The following SNTG2 variants were observed in gnomAD, a reference collection of about 807,000 sequenced individuals.
The protein encoded by SNTG2 is gamma-2-syntrophin.
SNTG2 carries 74 observed loss-of-function variants against 70.9 expected under a neutral mutation model. That is an observed-to-expected ratio of 1.04 (90% CI 0.86 to 1.27). The LOEUF is 1.27. Among genes scored for constraint, SNTG2 ranks in the 50% most tolerant of loss-of-function variants. SNTG2 has a pLI of 0.00. For missense variants in SNTG2, 717 were observed against 690.7 expected (o/e 1.04, Z -0.43); for synonymous variants, 278 against 273.8 (o/e 1.02, Z -0.15).
intron 16 of SNTG2, among the ~76,000 whole-genome samples, chr2:1,336,982 TTCAG>T (rs1659848606): frequency 6.6e-6 from 1 of 152,198 alleles, no homozygotes; most frequent in Admixed American, 6.5e-5. Context: ...TTTTTTCTGT[TTCAG>T]TCAAACATGT....
At chr2:989,387 T>C (rs188156181) in intron 1 of SNTG2, among the ~76,000 whole-genome samples, 88 of 152,090 alleles carry the variant, frequency 5.8e-4, no homozygotes, top group African/African-American at 2.0e-3. Flanking sequence ...CCTGTTTCCA[T>C]TCCTAGTTTG....
chr2:1,036,819 C>T (rs1468722553), intron 1 of SNTG2, among the ~76,000 whole-genome samples: 1 of 152,190 alleles, frequency 6.6e-6, no homozygotes, highest in African/African-American at 2.4e-5. Context: ...CAAGACCTTG[C>T]CCAGCGTTTG....
intron 12 of SNTG2, among the ~76,000 whole-genome samples, chr2:1,248,753 C>G (rs1677587601): frequency 6.6e-6 from 1 of 152,124 alleles, no homozygotes; most frequent in African/African-American, 2.4e-5. Flanking sequence ...CAACCTGGAC[C>G]ACGTACCACT....
intron 4 of SNTG2, among the ~76,000 whole-genome samples, chr2:1,112,709 C>G (rs1173551493): frequency 6.7e-6 from 1 of 149,280 alleles, no homozygotes; most frequent in African/African-American, 2.6e-5. Context: ...GAGGGTTAAC[C>G]CTTACAGTCC....
rs1309722165 is a variant in SNTG2, at chr2:1,222,051, C to CTGCCTA, written c.719+12822_719+12823insGCCTAT. Among the ~76,000 whole-genome samples the CTGCCTA allele has an allele frequency of 1.3e-3, 21 of 15,818 alleles. 3 individuals are homozygous for CTGCCTA. Among genetic ancestry groups the CTGCCTA allele is most frequent in the Middle Eastern group, 0.05 (1 of 20 alleles). 10.4% of individuals were successfully genotyped at this position (15,818 alleles called of 152,430 possible). A position where few individuals can be genotyped will look rare whatever the true frequency, so the allele number is the denominator to read the frequency against. On this transcript the variant is annotated intron_variant, in intron 9 of 16. Transcript: ENST00000308624. Reference sequence around the variant, plus strand: ...TGCCTATCTCTGTCTCTCTCTGTCTCTCTCTGTCTCTGTTTCTCTCTGTCT... The same window carrying CTGCCTA: ...TGCCTATCTCTGTCTCTCTCTGTCTCTGCCTATCTCTGTCTCTGTTTCTCTCTGTCT...
intron 8 of SNTG2, among the ~76,000 whole-genome samples, chr2:1,188,252 T>A (rs1431674186): frequency 6.6e-6 from 1 of 151,948 alleles, no homozygotes; most frequent in African/African-American, 2.4e-5. Flanking sequence ...AGATACATAG[T>A]TGACCAGTAA....
Position 1,361,872 on chromosome 2 carries a change from T to A in SNTG2, c.1489-5471T>A, listed in dbSNP as rs1261615613. Reference sequence around the variant, plus strand: ...CATTTCAGTAGAACTTCCATGAAAGTCACCAACGCTGAGCATTTCAGTAGA... The same window carrying A: ...CATTTCAGTAGAACTTCCATGAAAGACACCAACGCTGAGCATTTCAGTAGA... On this transcript the variant is annotated intron_variant, in intron 16 of 16. Coordinates refer to ENST00000308624, the MANE Select transcript of SNTG2 (RefSeq NM_018968.4). Among the ~76,000 whole-genome samples the A allele has an allele frequency of 5.2e-3, 389 of 74,940 alleles. 1 individual carries two copies. The highest frequency in any genetic ancestry group is 0.012 in the Middle Eastern group (2 of 170). 49.2% of individuals were successfully genotyped at this position (74,940 alleles called of 152,430 possible). A position where few individuals can be genotyped will look rare whatever the true frequency, so the allele number is the denominator to read the frequency against.
intron 14 of SNTG2, among the ~76,000 whole-genome samples, chr2:1,279,073 GAAT>G (rs1679406167): frequency 2.4e-5 from 2 of 82,784 alleles, no homozygotes; most frequent in East Asian, 1.6e-3. Context: ...GTCAGTGCGC[GAAT>G]GACCCCTCTG....
intron 4 of SNTG2, among the ~76,000 whole-genome samples, chr2:1,126,636 G>A (rs1178253086): frequency 6.6e-6 from 1 of 152,022 alleles, no homozygotes; most frequent in Non-Finnish European, 1.5e-5. Flanking sequence ...ACCAACATTT[G>A]TCATTTTTTG....
At chr2:1,048,770 C>A (rs1404304383) in intron 1 of SNTG2, among the ~76,000 whole-genome samples, 2 of 152,124 alleles carry the variant, frequency 1.3e-5, no homozygotes, top group Non-Finnish European at 2.9e-5. Context: ...GTGGTTGCAC[C>A]ATCATAAACC....
chr2:1,060,380 G>A (rs953779145), intron 1 of SNTG2, among the ~76,000 whole-genome samples: 3 of 152,114 alleles, frequency 2.0e-5, no homozygotes, highest in Non-Finnish European at 4.4e-5. Flanking sequence ...GTGTGTGTTT[G>A]GAGAGAGAGA....
intron 1 of SNTG2, among the ~76,000 whole-genome samples, chr2:1,043,392 C>A (rs912014804): frequency 2.6e-5 from 4 of 152,164 alleles, no homozygotes; most frequent in Admixed American, 1.3e-4. Context: ...TTGATAGTTT[C>A]TTTTGCCCTG....
At chr2:1,296,772 C>T (rs1277349991) in intron 14 of SNTG2, among the ~76,000 whole-genome samples, 1 of 152,204 alleles carries the variant, frequency 6.6e-6, no homozygotes, top group Admixed American at 6.5e-5. Context: ...TAGGAACAGA[C>T]CACCTTTGCT....
chr2:957,373 C>T (rs1660200224), intron 1 of SNTG2, among the ~76,000 whole-genome samples: 1 of 152,032 alleles, frequency 6.6e-6, no homozygotes, highest in African/African-American at 2.4e-5. Flanking sequence ...AGCTCTGGGT[C>T]TCAGGCCTCC....
At chr2:1,114,620 C>T (rs1666804023) in intron 4 of SNTG2, among the ~76,000 whole-genome samples, 1 of 151,478 alleles carries the variant, frequency 6.6e-6, no homozygotes, top group Non-Finnish European at 1.5e-5. Context: ...GAGGTTTAAC[C>T]CTTACAGTCC....
chr2:986,969 TTA>T (rs1261481698), intron 1 of SNTG2, among the ~76,000 whole-genome samples: 2 of 152,244 alleles, frequency 1.3e-5, no homozygotes, highest in South Asian at 2.1e-4. Context: ...TCGATTATCG[TTA>T]TATATGTTTT....
chr2:1,223,931 C>T (rs1220517977), intron 9 of SNTG2, among the ~76,000 whole-genome samples: 1 of 145,436 alleles, frequency 6.9e-6, no homozygotes, highest in Non-Finnish European at 1.6e-5. Flanking sequence ...AGGCCGTAGC[C>T]CAATTCCACA....
chr2:1,055,639 A>C (rs1278533319), intron 1 of SNTG2, among the ~76,000 whole-genome samples: 1 of 152,186 alleles, frequency 6.6e-6, no homozygotes, highest in East Asian at 1.9e-4. Flanking sequence ...TTTAATATGA[A>C]AATGTTAGTC....
At chr2:1,141,269 G>C (rs1477820873) in intron 6 of SNTG2, among the ~76,000 whole-genome samples, 3 of 152,174 alleles carry the variant, frequency 2.0e-5, no homozygotes, top group African/African-American at 7.2e-5. Flanking sequence ...GAAACAGGAC[G>C]TTACATCCTG....
Sources: gnomAD v4.1 joint callset for allele counts (sites outside exome capture counted in the v4.1 genomes callset) on GRCh38, gnomAD v4.1.1 for gene constraint, MANE v1.5 for transcripts, NCBI Gene and HGNC (gene_info 2026-07-23, HGNC 2026-07-21) for gene names.